SYT17: variants seen among roughly 807,000 people sequenced by gnomAD.
The protein encoded by SYT17 is synaptotagmin-17.
In SYT17, 22 loss-of-function variants were observed where a neutral mutation model predicts 46.7. That is an observed-to-expected ratio of 0.47 (90% CI 0.34 to 0.67). The LOEUF is 0.67. Among genes scored for constraint, SYT17 ranks in the 30% least tolerant of loss-of-function variants. The pLI is 0.01. For missense variants in SYT17, 519 were observed against 612.8 expected (o/e 0.85, Z 1.62); for synonymous variants, 251 against 248.4 (o/e 1.01, Z -0.10).
At chr16:19,220,037 C>T (rs999790431) in intron 5 of SYT17, among the ~76,000 whole-genome samples, 2 of 152,136 alleles carry the variant, frequency 1.3e-5, no homozygotes, top group African/African-American at 4.8e-5. Flanking sequence ...TCTTCCAAGC[C>T]CTTGAGAAGC....
At chr16:19,185,992 C>T (rs923442948) in intron 5 of SYT17, among the ~76,000 whole-genome samples, 1 of 152,122 alleles carries the variant, frequency 6.6e-6, no homozygotes, top group Non-Finnish European at 1.5e-5. Context: ...GAGGAGCTGG[C>T]GTCTCCTCAG....
At chr16:19,225,187 G>A (rs138223631) in intron 7 of SYT17, among the ~76,000 whole-genome samples, 1,665 of 152,262 alleles carry the variant, frequency 0.011, 19 homozygotes, top group South Asian at 0.03. Flanking sequence ...AATGACTTAC[G>A]ACTTTGCAAT....
chr16:19,211,324 C>T (rs964720216), intron 5 of SYT17: 4 of 684,478 alleles, frequency 5.8e-6, no homozygotes, highest in African/African-American at 1.8e-5. Context: ...CAACCCCTCT[C>T]GGCCCGTGGT....
chr16:19,173,595 T>C lies in SYT17; in HGVS notation c.182+17T>C. On this transcript the variant is annotated intron_variant, in intron 3 of 7. Coordinates refer to ENST00000355377, the MANE Select transcript of SYT17 (RefSeq NM_016524.4). ...TCCCTGGCTGTAAGTAAAACTGCTC[T>C]GAACTTCTCTGAAATCAATTTCAAG... 1 of 1,610,480 alleles carries C rather than the reference T, an allele frequency of 6.2e-7. No homozygotes were observed. The highest frequency in any genetic ancestry group is 8.5e-7 in the Non-Finnish European group (1 of 1,178,730).
chr16:19,263,354 T>C (rs1969118584), intron 7 of SYT17, among the ~76,000 whole-genome samples: 1 of 152,106 alleles, frequency 6.6e-6, no homozygotes, highest in African/African-American at 2.4e-5. Context: ...AAAAACTTGG[T>C]ACATAGGCCA....
At chr16:19,217,702 G>A (rs1004318837) in intron 5 of SYT17, among the ~76,000 whole-genome samples, 1 of 152,086 alleles carries the variant, frequency 6.6e-6, no homozygotes, top group Non-Finnish European at 1.5e-5. Context: ...ATTCTCTTAG[G>A]TATACACCTA....
chr16:19,189,171 C>T (rs1347618061), intron 5 of SYT17, among the ~76,000 whole-genome samples: 1 of 152,126 alleles, frequency 6.6e-6, no homozygotes, highest in Non-Finnish European at 1.5e-5. Flanking sequence ...CAGGCGTGAG[C>T]CACGTCTTTT....
intron 7 of SYT17, among the ~76,000 whole-genome samples, chr16:19,258,320 T>C (rs1968722789): frequency 1.3e-5 from 2 of 151,950 alleles, no homozygotes; most frequent in African/African-American, 4.8e-5. Context: ...TCTGGCAATG[T>C]CTAGAGATAC....
chr16:19,177,478 C>G (rs1338076178), intron 3 of SYT17, among the ~76,000 whole-genome samples: 8 of 152,154 alleles, frequency 5.3e-5, no homozygotes, highest in Non-Finnish European at 1.5e-5. Flanking sequence ...AAATTTACAG[C>G]TTTGTGTTTT....
At chr16:19,209,715 C>CA (rs150786893) in intron 5 of SYT17, among the ~76,000 whole-genome samples, 5,036 of 140,682 alleles carry the variant, frequency 0.036, 178 homozygotes, top group African/African-American at 0.099. Context: ...CTAAAAAATA[C>CA]AAAAAAAAAA....
At chr16:19,201,688 A>G (rs1965472388) in intron 5 of SYT17, among the ~76,000 whole-genome samples, 1 of 151,946 alleles carries the variant, frequency 6.6e-6, no homozygotes, top group Non-Finnish European at 1.5e-5. Flanking sequence ...AAAAAAAAAA[A>G]AAAGACCAAT....
Position 19,183,716 on chromosome 16 carries a change from C to T in SYT17, c.520C>T (p.Leu174=). The T allele has an allele frequency of 6.2e-7, 1 of 1,614,256 alleles. No homozygotes were observed. Residue 174 remains leucine (L), a synonymous_variant, in exon 5 of 8, where the codon CTG becomes TTG. Coordinates refer to ENST00000355377, the MANE Select transcript of SYT17 (RefSeq NM_016524.4). This position sits in a 1 kb window ranked among gnomAD's most constrained non-coding sequence, Gnocchi z 5.6. The stretch of plus-strand genomic sequence containing the variant: ...CTCCAACAGCGACGATGTGGACTCT[C>T]TGACAGACGAGGAGATCCTGTCCAA... ...LDSNSDDVDS[L]TDEEILSKYQ...
chr16:19,262,445 GT>G (rs1250394938), intron 7 of SYT17, among the ~76,000 whole-genome samples: 1 of 152,336 alleles, frequency 6.6e-6, no homozygotes, highest in South Asian at 2.1e-4. Flanking sequence ...ATAAATTCCT[GT>G]TGTTTATAAG....
rs1966201224 is a variant in SYT17 at position 19,219,032 on chromosome 16, CT to C, written c.952-4011del. On this transcript the variant is annotated intron_variant, in intron 5 of 7. Coordinates refer to ENST00000355377, the MANE Select transcript of SYT17 (RefSeq NM_016524.4). Reference sequence around the variant, plus strand: ...CTCCCACGCGAACCCCATCCATTCTCTTACACTGCCTAATTTGTCTTGTTTT... The same window carrying C: ...CTCCCACGCGAACCCCATCCATTCTCTACACTGCCTAATTTGTCTTGTTTT... Among the ~76,000 whole-genome samples, 4 of 152,350 alleles carry C rather than the reference CT, an allele frequency of 2.6e-5. No homozygotes were observed. The East Asian group carries it at 7.7e-4, about 29-fold the overall frequency.
rs370209833 is a variant in SYT17 at position 19,173,487 on chromosome 16, T to C, written c.91T>C (p.Cys31Arg). 2 of 1,611,812 alleles carry C rather than the reference T, an allele frequency of 1.2e-6. No homozygotes were observed. The highest frequency in any genetic ancestry group is 1.7e-6 in the Non-Finnish European group (2 of 1,179,046). ...GTGCAGATGGACCTGCCGGCACTGC[T>C]GTCAGAAGTGCTACGAGTCCAGCTG... is the stretch of plus-strand genomic sequence containing the variant. The part of the protein sequence containing the change: ...LLCRWTCRHC[C>R]QKCYESSCCQ... Residue 31 changes from cysteine to arginine, a missense_variant, in exon 3 of 8, where the codon TGT becomes CGT. Physicochemically the swap from Cys to Arg is radical, Grantham distance 180 (BLOSUM62 -3). Transcript: ENST00000355377.
intron 5 of SYT17, among the ~76,000 whole-genome samples, chr16:19,193,616 T>G (rs1311011394): frequency 1.3e-5 from 2 of 152,132 alleles, no homozygotes; most frequent in African/African-American, 4.8e-5. Flanking sequence ...CTAGGTTGGG[T>G]TCCTCTAAAG....
At chr16:19,173,378 G>GGCCCCCCC in intron 2 of SYT17, 52 bp from the exon 3 acceptor site, 6 of 222,874 alleles carry the variant, frequency 2.7e-5, no homozygotes, top group Non-Finnish European at 3.1e-5. Context: ...TCCCCACCCT[G>GGCCCCCCC]CCCACCTCCC....
chr16:19,256,815 C>T (rs527888774), intron 7 of SYT17, among the ~76,000 whole-genome samples: 43 of 152,154 alleles, frequency 2.8e-4, no homozygotes, highest in African/African-American at 9.6e-4. Context: ...TGGGCTCAAG[C>T]GATCCTCCCA....
In SYT17 at chr16:19,268,101, ATCT is replaced by A. The variant is rs1567244986; in HGVS notation, c.*1031_*1033del. On this transcript the variant is annotated 3_prime_UTR_variant, in exon 8 of 8. Transcript: ENST00000355377. ...TGGCTATCACACCCCATCCATGATG[ATCT>A]TCTTCCTTAATCATACTCTGAGGAT... The A allele has an allele frequency of 6.6e-6, 1 of 152,270 alleles. No homozygotes were observed. The highest frequency in any genetic ancestry group is 2.1e-4 in the South Asian group (1 of 4,816). The allele number at this position is 152,270 out of a possible 1,614,324, so 9.4% of individuals were successfully genotyped here.
Sources: allele counts gnomAD v4.1 joint callset (sites outside exome capture counted in the v4.1 genomes callset), GRCh38; gene constraint gnomAD v4.1.1; non-coding constraint Gnocchi (gnomAD v3.1); transcripts MANE v1.5; gene names NCBI Gene and HGNC (gene_info 2026-07-23, HGNC 2026-07-21).